TRPA1: variants seen among roughly 807,000 people sequenced by gnomAD.
TRPA1 encodes the protein transient receptor potential cation channel subfamily A member 1.
In TRPA1, 129 loss-of-function variants were observed where a neutral mutation model predicts 131.3. That is an observed-to-expected ratio of 0.98 (90% confidence interval 0.85 to 1.14). The LOEUF (loss-of-function observed/expected upper bound fraction) is 1.14. TRPA1 is among the 50% of genes most tolerant of loss of function. The pLI, the probability that TRPA1 is intolerant of heterozygous loss-of-function variation, is 0.00. For missense variants in TRPA1, 1,304 were observed against 1,354.2 expected (o/e 0.96, Z 0.58); for synonymous variants, 441 against 451.7 (o/e 0.98, Z 0.30).
In TRPA1 at chr8:72,057,780, A is replaced by C. The variant is rs1719910005; in HGVS notation, c.1030T>G (p.Ser344Ala). 1 of 1,613,814 alleles carries C rather than the reference A, an allele frequency of 6.2e-7. No homozygotes were observed. The highest frequency in any genetic ancestry group is 1.7e-5 in the Admixed American group (1 of 59,950). ...GAAGCAGTTGCTAATATAAGTGGAGAGCGTCCTTCAGAATCGATCTTATTA... is the reference window on the plus strand; with the variant it reads ...GAAGCAGTTGCTAATATAAGTGGAGCGCGTCCTTCAGAATCGATCTTATTA... ...DINKIDSEGR[S>A]PLILATASAS... Residue 344 changes from serine to alanine, a missense_variant, in exon 9 of 27, where the codon TCT becomes GCT. Physicochemically the swap from Ser to Ala is moderately conservative, Grantham distance 99. Transcript: ENST00000262209.
chr8:72,043,119 A>T (rs115309811), intron 17 of TRPA1, among the ~76,000 whole-genome samples: 125 of 151,960 alleles, frequency 8.2e-4, no homozygotes, highest in African/African-American at 2.8e-3. Context: ...AAAATACTGG[A>T]ACATCGGGAT....
chr8:72,075,442 GC>G lies in TRPA1; in HGVS notation c.-34del. The G allele has an allele frequency of 6.5e-7, 1 of 1,547,804 alleles. No homozygotes were observed. The highest frequency in any genetic ancestry group is 8.9e-7 in the Non-Finnish European group (1 of 1,129,896). ...ACCCCGGACGCCACCTGGTGCAGCTGCTCACCACGCGCGCGGGCACCTGGGG... is the reference window on the plus strand; with the variant it reads ...ACCCCGGACGCCACCTGGTGCAGCTGTCACCACGCGCGCGGGCACCTGGGG... On this transcript the variant is annotated 5_prime_UTR_variant, in exon 1 of 27. Transcript: ENST00000262209.
At chr8:72,044,177 C>A (rs1812349298) in intron 17 of TRPA1, among the ~76,000 whole-genome samples, 3 of 151,236 alleles carry the variant, frequency 2.0e-5, no homozygotes, top group Non-Finnish European at 4.4e-5. Context: ...CCAGTGGAGC[C>A]CGAAAAGCTA....
chr8:72,037,888 T>G, intron 20 of TRPA1, 95 bp downstream of exon 20: 1 of 760,956 alleles, frequency 1.3e-6, no homozygotes, highest in Admixed American at 2.0e-5. Context: ...GTAATTTTAT[T>G]ATGACATAAT....
Position 72,023,064 on chromosome 8 carries a change from TCA to T in TRPA1, c.3200_3201del (p.Leu1067HisfsTer10). On this transcript the variant is annotated frameshift_variant, in exon 27 of 27. Transcript: ENST00000262209. LOFTEE classifies it high-confidence loss of function. ...GAGATGATCTCCATCTTCTGAATGA[TCA>T]GTTTAATGAGCTCATGCTGTTTTTC... Reference protein sequence around the residue: ...LLEKQHELIKLIIQKMEIISE... With the variant: ...LLEKQHELIKXIIQKMEIISE... The T allele has an allele frequency of 6.2e-7, 1 of 1,613,714 alleles. No homozygotes were observed. The highest frequency in any genetic ancestry group is 8.5e-7 in the Non-Finnish European group (1 of 1,179,804).
intron 22 of TRPA1, 110 bp downstream of exon 22, chr8:72,034,138 A>C: frequency 8.5e-7 from 1 of 1,179,148 alleles, no homozygotes. Context: ...AAAGTATTTG[A>C]ATACTGTTGT....
intron 25 of TRPA1, among the ~76,000 whole-genome samples, chr8:72,025,104 TCGTGTGTG>T (rs149897074): frequency 0.13 from 16,361 of 125,626 alleles, 1,114 homozygotes; most frequent in Admixed American, 0.26. Context: ...GTGTGTGTGT[TCGTGTGTG>T]TGTGTGTGTG....
At chr8:72,078,589 T>C (rs1003876800), upstream of TRPA1, among the ~76,000 whole-genome samples, 1 of 152,134 alleles carries the variant, frequency 6.6e-6, no homozygotes, top group African/African-American at 2.4e-5. Flanking sequence ...ATCAGTAGTT[T>C]CTTCCTTTTT....
At chr8:72,057,265 C>G (rs1487929035) in intron 9 of TRPA1, among the ~76,000 whole-genome samples, 1 of 151,930 alleles carries the variant, frequency 6.6e-6, no homozygotes, top group African/African-American at 2.4e-5. Context: ...ATACATGAAG[C>G]CTTACCTTTT....
At chr8:72,029,424 G>C (rs1172551648) in intron 24 of TRPA1, among the ~76,000 whole-genome samples, 1 of 152,138 alleles carries the variant, frequency 6.6e-6, no homozygotes, top group Non-Finnish European at 1.5e-5. Context: ...AGGTATACCA[G>C]GTAACATGCA....
intron 13 of TRPA1, 116 bp downstream of exon 13, chr8:72,053,637 C>T (rs1270937513): frequency 1.4e-5 from 11 of 788,302 alleles, no homozygotes; most frequent in Non-Finnish European, 2.2e-5. Flanking sequence ...AAACACCCAA[C>T]AAAAGGCTGG....
chr8:72,055,283 A>G lies in TRPA1; in HGVS notation c.1529+153T>C. On this transcript the variant is annotated intron_variant, in intron 12 of 26. Coordinates refer to ENST00000262209, the MANE Select transcript of TRPA1 (RefSeq NM_007332.3). ...TACTGACTTCCCTTTCAGTATTTTT[A>G]GAAGTTACATATGTTTTGATGAAAA... The G allele has an allele frequency of 4.5e-6, 3 of 669,922 alleles. No individual in the cohort carries two copies. In the South Asian group the frequency reaches 6.0e-5, roughly 13 times the overall value. The allele number at this position is 669,922 out of a possible 1,614,324, so 41.5% of individuals were successfully genotyped here. A position where few individuals can be genotyped will look rare whatever the true frequency, so the allele number is the denominator to read the frequency against.
chr8:72,065,780 G>A (rs540969137), intron 3 of TRPA1, among the ~76,000 whole-genome samples: 2 of 152,174 alleles, frequency 1.3e-5, no homozygotes, highest in South Asian at 4.2e-4. Flanking sequence ...AACAATCAAG[G>A]CAATACTGAG....
chr8:72,052,812 C>G, intron 13 of TRPA1, 47 bp from the exon 14 acceptor site: 4 of 1,605,838 alleles, frequency 2.5e-6, no homozygotes, highest in South Asian at 1.1e-5. Flanking sequence ...AGTGTCTAAT[C>G]TGTCTTATTT....
At chr8:72,037,815 G>A (rs1169717240) in intron 20 of TRPA1, among the ~76,000 whole-genome samples, 168 bp downstream of exon 20, 8 of 151,972 alleles carry the variant, frequency 5.3e-5, no homozygotes, top group African/African-American at 1.9e-4. Flanking sequence ...CTAAAATCAT[G>A]TGATTTCTAC....
intron 26 of TRPA1, 174 bp downstream of exon 26, chr8:72,023,640 T>A: frequency 1.8e-6 from 1 of 546,106 alleles, no homozygotes; most frequent in South Asian, 2.3e-5. Flanking sequence ...TAGTGGCAAA[T>A]ATGTTGTTGG....
chr8:72,067,296 C>T (rs1393391645), intron 3 of TRPA1, among the ~76,000 whole-genome samples: 1 of 152,060 alleles, frequency 6.6e-6, no homozygotes, highest in East Asian at 1.9e-4. Context: ...TCCAAAAAAC[C>T]TTCTCCTCCT....
the TRPA1 span, among the ~76,000 whole-genome samples, chr8:72,082,053 T>C: frequency 6.7e-6 from 1 of 149,954 alleles, no homozygotes; most frequent in Non-Finnish European, 1.5e-5. Context: ...TTTCACTCTG[T>C]TTTTTCTCTA....
At chr8:72,060,633 T>C (rs1805785624) in intron 7 of TRPA1, among the ~76,000 whole-genome samples, 1 of 152,128 alleles carries the variant, frequency 6.6e-6, no homozygotes, top group Admixed American at 6.5e-5. Context: ...GTCTCAAATA[T>C]CTTTATTTTA....
Sources: allele counts gnomAD v4.1 joint callset (sites outside exome capture counted in the v4.1 genomes callset), GRCh38; gene constraint gnomAD v4.1.1; transcripts MANE v1.5; gene names NCBI Gene and HGNC (gene_info 2026-07-23, HGNC 2026-07-21).